AKT3: variants seen among roughly 807,000 people sequenced by gnomAD.
The protein encoded by AKT3 is AKT serine/threonine kinase 3, also known as RAC-gamma serine/threonine-protein kinase.
In AKT3, 15 loss-of-function variants were observed where a neutral mutation model predicts 65.3. The observed-to-expected ratio is 0.23, with a 90% CI of 0.15 to 0.35. AKT3 has a LOEUF of 0.35. AKT3 is among the 10% of genes least tolerant of loss of function. The pLI is 1.00. For missense variants in AKT3, 243 were observed against 576.5 expected (o/e 0.42, Z 5.92); for synonymous variants, 206 against 183.8 (o/e 1.12, Z -0.98).
At chr1:243,651,412 C>T (rs1370970768) in intron 4 of AKT3, among the ~76,000 whole-genome samples, 2 of 152,084 alleles carry the variant, frequency 1.3e-5, no homozygotes, top group Non-Finnish European at 2.9e-5. Context: ...TTTCCCTGGC[C>T]AGAACTTTCA....
At chr1:243,509,397 G>A (rs549378507) in intron 13 of AKT3, among the ~76,000 whole-genome samples, 7 of 152,194 alleles carry the variant, frequency 4.6e-5, no homozygotes, top group East Asian at 3.9e-4. Context: ...CGCGGGTGTC[G>A]AGTAAGGAAT....
chr1:243,781,633 A>T (rs929943376), intron 2 of AKT3, among the ~76,000 whole-genome samples: 45 of 152,186 alleles, frequency 3.0e-4, no homozygotes, highest in African/African-American at 1.0e-3. Context: ...AATAATGTTG[A>T]TGTTTGAGTG....
chr1:243,800,872 CAT>C (rs1692340714), intron 2 of AKT3, among the ~76,000 whole-genome samples: 1 of 152,252 alleles, frequency 6.6e-6, no homozygotes, highest in East Asian at 1.9e-4. Flanking sequence ...CTATAAATAT[CAT>C]ATAATTAACC....
intron 8 of AKT3, among the ~76,000 whole-genome samples, chr1:243,604,835 T>C (rs1171497558): frequency 6.6e-6 from 1 of 152,144 alleles, no homozygotes; most frequent in Non-Finnish European, 1.5e-5. Context: ...CCCACAGAAG[T>C]TGCTCATTAT....
chr1:243,777,733 C>A (rs1690647258), intron 2 of AKT3, among the ~76,000 whole-genome samples: 1 of 152,000 alleles, frequency 6.6e-6, no homozygotes, highest in African/African-American at 2.4e-5. Context: ...TTAACAGGTG[C>A]CCCATCTCTC....
At chr1:243,605,794 C>CA (rs1205714537) in intron 8 of AKT3, among the ~76,000 whole-genome samples, 7 of 152,186 alleles carry the variant, frequency 4.6e-5, no homozygotes, top group African/African-American at 1.7e-4. Flanking sequence ...TGCTGGTAGG[C>CA]AGATATGGTT....
intron 9 of AKT3, among the ~76,000 whole-genome samples, chr1:243,570,753 T>C (rs1037580241): frequency 8.5e-5 from 13 of 152,178 alleles, no homozygotes; most frequent in Non-Finnish European, 1.8e-4. Context: ...ATTTCTTATG[T>C]TACATGGATT....
intron 8 of AKT3, among the ~76,000 whole-genome samples, chr1:243,609,367 T>C (rs1360368189): frequency 6.8e-6 from 1 of 146,202 alleles, no homozygotes; most frequent in South Asian, 2.2e-4. Flanking sequence ...TGTGTGTGTG[T>C]ACCAACACTG....
At chr1:243,613,194 CA>C in intron 8 of AKT3, among the ~76,000 whole-genome samples, 1 of 149,754 alleles carries the variant, frequency 6.7e-6, no homozygotes, top group Admixed American at 6.7e-5. Flanking sequence ...TACATACACA[CA>C]CACACATATA....
intron 2 of AKT3, among the ~76,000 whole-genome samples, chr1:243,746,879 T>C (rs1375078886): frequency 6.8e-6 from 1 of 146,536 alleles, no homozygotes; most frequent in Non-Finnish European, 1.5e-5. Context: ...ATTCTTATTG[T>C]CATGAAGAAC....
In AKT3 at chr1:243,499,872, G is replaced by A; in HGVS notation, c.*5377C>T. ...GACTTAATATGCCACAACGCACCACGACCTTCCCAGGGTGACACCGCCTCA... is the reference window on the plus strand; with the variant it reads ...GACTTAATATGCCACAACGCACCACAACCTTCCCAGGGTGACACCGCCTCA... On this transcript the variant is annotated 3_prime_UTR_variant, in exon 14 of 14. Coordinates refer to ENST00000673466, the MANE Select transcript of AKT3 (RefSeq NM_005465.7). The A allele has an allele frequency of 3.8e-6, 5 of 1,316,998 alleles. No homozygotes were observed. Among genetic ancestry groups the A allele is most frequent in the Admixed American group, 1.7e-5 (1 of 57,822 alleles). 81.6% of individuals were successfully genotyped at this position (1,316,998 alleles called of 1,614,324 possible). A position where few individuals can be genotyped will look rare whatever the true frequency, so the allele number is the denominator to read the frequency against.
intron 2 of AKT3, among the ~76,000 whole-genome samples, chr1:243,817,279 T>G (rs899939908): frequency 9.2e-5 from 14 of 152,148 alleles, no homozygotes; most frequent in African/African-American, 2.9e-4. Flanking sequence ...AAAAGATAAA[T>G]TGTTGTTTTA....
chr1:243,697,420 A>T (rs561840766), intron 2 of AKT3, among the ~76,000 whole-genome samples: 83 of 152,120 alleles, frequency 5.5e-4, no homozygotes, highest in Non-Finnish European at 1.0e-3. Flanking sequence ...AAATATTCAG[A>T]TAGTTATGGA....
intron 6 of AKT3, among the ~76,000 whole-genome samples, chr1:243,634,047 G>A (rs1030522415): frequency 5.9e-5 from 9 of 151,920 alleles, no homozygotes; most frequent in African/African-American, 2.2e-4. Context: ...ATATCCATGG[G>A]GGATTGGTTT....
intron 6 of AKT3, among the ~76,000 whole-genome samples, chr1:243,627,331 TAAAAA>T (rs199839602): frequency 7.7e-5 from 11 of 142,972 alleles, no homozygotes; most frequent in Non-Finnish European, 1.5e-4. Flanking sequence ...CTGTTTCAAT[TAAAAA>T]AAAAAAAAGA....
intron 2 of AKT3, among the ~76,000 whole-genome samples, chr1:243,704,553 CAT>C (rs1402595005): frequency 1.3e-5 from 2 of 152,212 alleles, no homozygotes; most frequent in South Asian, 2.1e-4. Flanking sequence ...AATAGCATCT[CAT>C]GTGGATTCAG....
intron 3 of AKT3, among the ~76,000 whole-genome samples, chr1:243,682,425 T>G (rs764900053): frequency 3.3e-5 from 5 of 152,152 alleles, no homozygotes; most frequent in Non-Finnish European, 7.3e-5. Flanking sequence ...AATGGAGTAT[T>G]TATTTGTCAG....
At chr1:243,670,864 T>A (rs1683110284) in intron 3 of AKT3, among the ~76,000 whole-genome samples, 1 of 152,106 alleles carries the variant, frequency 6.6e-6, no homozygotes, top group Non-Finnish European at 1.5e-5. Flanking sequence ...TACAAAGCTG[T>A]AATTACTCTG....
At chr1:243,684,493 T>C (rs1160130990) in intron 3 of AKT3, among the ~76,000 whole-genome samples, 1 of 152,234 alleles carries the variant, frequency 6.6e-6, no homozygotes, top group Non-Finnish European at 1.5e-5. Flanking sequence ...GAACTCATCC[T>C]TTCTTATGGC....
Sources: allele counts gnomAD v4.1 joint callset (sites outside exome capture counted in the v4.1 genomes callset), GRCh38; gene constraint gnomAD v4.1.1; transcripts MANE v1.5; gene names NCBI Gene and HGNC (gene_info 2026-07-23, HGNC 2026-07-21).